The following KCNK13 variants were observed in gnomAD, a reference collection of about 807,000 sequenced individuals.
The protein encoded by KCNK13 is potassium two pore domain channel subfamily K member 13, also known as potassium channel subfamily K member 13.
Under a neutral mutation model 23.4 loss-of-function variants are expected in KCNK13, and 12 were observed. The observed-to-expected ratio is 0.51, with a 90% CI of 0.33 to 0.83. KCNK13 has a LOEUF of 0.83. KCNK13 is among the 40% of genes least tolerant of loss of function. The pLI is 0.02. For synonymous variants in KCNK13, 231 were observed against 229.5 expected (o/e 1.01, Z -0.06); for missense variants, 463 against 556.3 (o/e 0.83, Z 1.69).
At position 90,180,950 on chromosome 14, in the gene KCNK13, G is replaced by A. The variant is rs529018081; in HGVS notation, c.335-3161G>A. On this transcript the variant is annotated intron_variant, in intron 1 of 1. Coordinates refer to ENST00000282146, the MANE Select transcript of KCNK13 (RefSeq NM_022054.4). The stretch of plus-strand genomic sequence containing the variant: ...TGGCTCACTACAACCTCCACCTCCC[G>A]GGTTCAAGTGATTCTCCTGCCACAG... Among the ~76,000 whole-genome samples, 5 of 152,132 alleles carry A rather than the reference G, an allele frequency of 3.3e-5. No homozygotes were observed. In the East Asian group the frequency reaches 5.8e-4, roughly 18 times the overall value.
chr14:90,094,620 A>G (rs535486064), intron 1 of KCNK13, among the ~76,000 whole-genome samples: 3 of 144,926 alleles, frequency 2.1e-5, no homozygotes, highest in Admixed American at 1.4e-4. Context: ...GATGGTCTTC[A>G]TTATCAGGGA....
chr14:90,084,224 T>G (rs1889245968), intron 1 of KCNK13, among the ~76,000 whole-genome samples: 1 of 152,226 alleles, frequency 6.6e-6, no homozygotes, highest in African/African-American at 2.4e-5. Context: ...TACATTGAAT[T>G]AATTTGGGGA....
At chr14:90,099,247 G>T (rs1009721437) in intron 1 of KCNK13, among the ~76,000 whole-genome samples, 2 of 152,102 alleles carry the variant, frequency 1.3e-5, no homozygotes, top group South Asian at 2.1e-4. Flanking sequence ...GTTTCTCAGC[G>T]CAGTTGAACT....
intron 1 of KCNK13, among the ~76,000 whole-genome samples, chr14:90,077,025 T>A (rs973871535): frequency 1.5e-4 from 22 of 151,448 alleles, no homozygotes; most frequent in Non-Finnish European, 3.1e-4. Flanking sequence ...TTCACCATGT[T>A]AGCCAGGATG....
chr14:90,073,771 A>C, intron 1 of KCNK13, among the ~76,000 whole-genome samples: 1 of 152,036 alleles, frequency 6.6e-6, no homozygotes, highest in East Asian at 1.9e-4. Context: ...CCCGGGTTCA[A>C]GCAATTCTCC....
Position 90,062,612 on chromosome 14 carries a change from T to C in KCNK13, c.334+73T>C. 1.7e-6 allele frequency: 2 copies of C among 1,170,148 alleles called. No homozygotes were observed. The highest frequency in any genetic ancestry group is 2.3e-6 in the Non-Finnish European group (2 of 863,706). 72.5% of individuals were successfully genotyped at this position (1,170,148 alleles called of 1,614,324 possible). On this transcript the variant is annotated intron_variant, in intron 1 of 1. Coordinates refer to ENST00000282146, the MANE Select transcript of KCNK13 (RefSeq NM_022054.4). This position sits in a 1 kb window ranked among gnomAD's most constrained non-coding sequence, Gnocchi z 4.5. Reference sequence around the variant, plus strand: ...TTCCTCCGGGGGGCAGGACCGACCCTCTCATCCTTTCATTCATCCATCTGG... The same window carrying C: ...TTCCTCCGGGGGGCAGGACCGACCCCCTCATCCTTTCATTCATCCATCTGG...
intron 1 of KCNK13, among the ~76,000 whole-genome samples, chr14:90,118,568 G>A (rs1170543845): frequency 6.6e-6 from 1 of 152,114 alleles, no homozygotes; most frequent in Non-Finnish European, 1.5e-5. Flanking sequence ...ATGGACATTC[G>A]TGTACATGTA....
chr14:90,178,251 A>T (rs1890445749), intron 1 of KCNK13, among the ~76,000 whole-genome samples: 1 of 150,840 alleles, frequency 6.6e-6, no homozygotes, highest in South Asian at 2.1e-4. Context: ...AAAAAAAAAA[A>T]AAAAAGGATA....
intron 1 of KCNK13, among the ~76,000 whole-genome samples, chr14:90,167,441 C>T (rs189874818): frequency 2.6e-5 from 4 of 152,250 alleles, no homozygotes; most frequent in South Asian, 2.1e-4. Context: ...CATGGAGCAA[C>T]GCTGTCTTGA....
At chr14:90,148,134 G>A (rs1890095003) in intron 1 of KCNK13, among the ~76,000 whole-genome samples, 1 of 152,168 alleles carries the variant, frequency 6.6e-6, no homozygotes, top group South Asian at 2.1e-4. Context: ...CTGCACTATG[G>A]CTTGGGTGAC....
At chr14:90,110,761 C>T (rs1889606556) in intron 1 of KCNK13, among the ~76,000 whole-genome samples, 1 of 152,014 alleles carries the variant, frequency 6.6e-6, no homozygotes, top group African/African-American at 2.4e-5. Flanking sequence ...GTAATCCCAG[C>T]ACTTTGGGAG....
chr14:90,155,869 G>A lies in KCNK13; in HGVS notation c.335-28242G>A, dbSNP rs564593220. 5.3e-4 allele frequency among the ~76,000 whole-genome samples: 80 copies of A among 152,188 alleles called. 2 individuals are homozygous for A. In the South Asian group the frequency reaches 0.015, roughly 28 times the overall value. On this transcript the variant is annotated intron_variant, in intron 1 of 1. Transcript: ENST00000282146. ...AAGTAAAACAGGCAGCTGGATGCAC[G>A]AGTATGGAGTTCGGCAGAATGAGTT...
intron 1 of KCNK13, among the ~76,000 whole-genome samples, chr14:90,077,151 C>G (rs1164979682): frequency 1.5e-5 from 2 of 134,280 alleles, no homozygotes; most frequent in Non-Finnish European, 3.1e-5. Flanking sequence ...CGAAGTTTCT[C>G]TCTCATTGCC....
chr14:90,155,668 G>A (rs754799890), intron 1 of KCNK13, among the ~76,000 whole-genome samples: 27 of 152,198 alleles, frequency 1.8e-4, no homozygotes, highest in Non-Finnish European at 3.2e-4. Flanking sequence ...TGGATCGGAT[G>A]TGTCAGAGGA....
Position 90,184,045 on chromosome 14 carries a change from C to T in KCNK13, c.335-66C>T, listed in dbSNP as rs941169883. On this transcript the variant is annotated intron_variant, in intron 1 of 1. Transcript: ENST00000282146. The surrounding 1 kb of genome is among the most constrained non-coding windows in gnomAD (Gnocchi z 5.6). ...TTAGGTCCTTTGCCAGCCATCAAAGCCAAGACCTAGACCCCATTCACAGCA... is the reference window on the plus strand; with the variant it reads ...TTAGGTCCTTTGCCAGCCATCAAAGTCAAGACCTAGACCCCATTCACAGCA... 212 of 1,437,698 alleles carry T rather than the reference C, an allele frequency of 1.5e-4. 1 individual carries two copies. Among genetic ancestry groups the T allele is most frequent in the Middle Eastern group, 1.8e-4 (1 of 5,490 alleles). The allele number at this position is 1,437,698 out of a possible 1,614,324, so 89.1% of individuals were successfully genotyped here.
intron 1 of KCNK13, among the ~76,000 whole-genome samples, chr14:90,085,027 C>G (rs943893902): frequency 2.0e-5 from 3 of 152,170 alleles, no homozygotes; most frequent in Non-Finnish European, 4.4e-5. Context: ...ACTGCAACCT[C>G]TGCCTCCCAG....
At chr14:90,092,326 A>G (rs1832466845) in intron 1 of KCNK13, among the ~76,000 whole-genome samples, 2 of 152,184 alleles carry the variant, frequency 1.3e-5, no homozygotes, top group African/African-American at 2.4e-5. Flanking sequence ...GTAGAGAGAA[A>G]CCCACTGCTA....
intron 1 of KCNK13, among the ~76,000 whole-genome samples, chr14:90,181,097 C>T (rs571462496): frequency 3.3e-5 from 5 of 152,260 alleles, no homozygotes; most frequent in South Asian, 2.1e-4. Flanking sequence ...CCTCATGATC[C>T]GCCCACCTCG....
rs150652304 is a variant in KCNK13 at position 90,089,093 on chromosome 14, A to G, written c.334+26554A>G. Among the ~76,000 whole-genome samples the G allele has an allele frequency of 3.2e-3, 480 of 152,334 alleles. 4 individuals are homozygous for G. Among genetic ancestry groups the G allele is most frequent in the African/African-American group, 0.011 (459 of 41,572 alleles). On this transcript the variant is annotated intron_variant, in intron 1 of 1. Transcript: ENST00000282146. The stretch of plus-strand genomic sequence containing the variant: ...AGTAGAGTGGGGCATTGCTGAAAAG[A>G]TACTTGAAAATGTGGAAACAACCTT...
Sources: allele counts gnomAD v4.1 joint callset (sites outside exome capture counted in the v4.1 genomes callset), GRCh38; gene constraint gnomAD v4.1.1; non-coding constraint Gnocchi (gnomAD v3.1); transcripts MANE v1.5; gene names NCBI Gene and HGNC (gene_info 2026-07-23, HGNC 2026-07-21).